The following PLK5 variants were observed in gnomAD, a reference collection of about 807,000 sequenced individuals.
PLK5 encodes the protein inactive serine/threonine-protein kinase PLK5.
PLK5 carries 28 observed loss-of-function variants against 33.7 expected under a neutral mutation model. The ratio of observed to expected loss-of-function variants is 0.83; its 90% CI spans 0.62 to 1.14. The LOEUF (loss-of-function observed/expected upper bound fraction) is 1.14, where lower values mean the gene tolerates loss of function less well. Ranked by LOEUF, PLK5 falls within the 50% of genes most tolerant of loss-of-function variation. The pLI is 0.00. For synonymous variants in PLK5, 225 were observed against 202.2 expected, an observed-to-expected ratio of 1.11 and a Z score of -0.96; for missense variants, 492 against 461.5, an observed-to-expected ratio of 1.07 and a Z score of -0.61.
At chr19:1,534,579 G>A (rs542045353) in intron 13 of PLK5, among the ~76,000 whole-genome samples, 43 of 150,414 alleles carry the variant, frequency 2.9e-4, no homozygotes, top group Middle Eastern at 3.4e-3. Context: ...GCCGAGGTGG[G>A]CAGATCACGA....
intron 13 of PLK5, among the ~76,000 whole-genome samples, chr19:1,534,708 T>G (rs1212743297): frequency 1.3e-5 from 2 of 148,560 alleles, no homozygotes; most frequent in Non-Finnish European, 3.0e-5. Flanking sequence ...TCCCAGCTAC[T>G]GGGGAGGCTG....
intron 12 of PLK5, among the ~76,000 whole-genome samples, chr19:1,533,383 G>T (rs900508601): frequency 2.6e-5 from 4 of 152,282 alleles, no homozygotes; most frequent in African/African-American, 9.6e-5. Flanking sequence ...GAGCCACCGC[G>T]CCCGGCCTTA....
At position 1,526,929 on chromosome 19, in the gene PLK5, T is replaced by G. The variant is rs1356926486; in HGVS notation, c.-68T>G. On this transcript the variant is annotated 5_prime_UTR_variant, in exon 6 of 14. Coordinates refer to ENST00000454744, the MANE Select transcript of PLK5 (RefSeq NM_001243079.2). Reference sequence around the variant, plus strand: ...GTACTCTGTGGGACCCCTAACTTCCTGGACCCTGAGGTTGTCTCCAGAAAC... The same window carrying G: ...GTACTCTGTGGGACCCCTAACTTCCGGGACCCTGAGGTTGTCTCCAGAAAC... The G allele has an allele frequency of 6.6e-7, 1 of 1,525,272 alleles. No individual in the cohort carries two copies. Among genetic ancestry groups the G allele is most frequent in the African/African-American group, 1.4e-5 (1 of 72,736 alleles). 94.5% of individuals were successfully genotyped at this position (1,525,272 alleles called of 1,614,324 possible).
chr19:1,530,602 G>A (rs868085945), intron 11 of PLK5, among the ~76,000 whole-genome samples: 3 of 132,926 alleles, frequency 2.3e-5, no homozygotes, highest in Non-Finnish European at 4.8e-5. Context: ...ACGCCTGGGC[G>A]CATTTTTTTT....
At chr19:1,534,649 CAAA>C (rs531471498) in intron 13 of PLK5, among the ~76,000 whole-genome samples, 48,618 of 137,810 alleles carry the variant, frequency 0.35, 8,638 homozygotes, top group Middle Eastern at 0.48. Flanking sequence ...ACTAAAAATA[CAAA>C]AAAAAAAAAA....
At chr19:1,529,031 T>C (rs1291182896) in intron 9 of PLK5, 57 bp downstream of exon 9, 1 of 1,389,824 alleles carries the variant, frequency 7.2e-7, no homozygotes, top group Non-Finnish European at 9.5e-7. Flanking sequence ...TGCTGGCCCC[T>C]GCTAAAACCC....
At chr19:1,533,155 T>C (rs1913982842) in intron 12 of PLK5, among the ~76,000 whole-genome samples, 1 of 152,078 alleles carries the variant, frequency 6.6e-6, no homozygotes, top group African/African-American at 2.4e-5. Flanking sequence ...GACGGAGTTG[T>C]GCTCTTGTTG....
intron 12 of PLK5, among the ~76,000 whole-genome samples, chr19:1,533,387 G>C (rs891988079): frequency 6.6e-6 from 1 of 152,154 alleles, no homozygotes; most frequent in African/African-American, 2.4e-5. Flanking sequence ...CACCGCGCCC[G>C]GCCTTAACAC....
rs1372811773 is a variant in PLK5 at position 1,529,844 on chromosome 19, C to T, written c.568+20C>T. The T allele has an allele frequency of 6.5e-7, 1 of 1,533,388 alleles. No individual in the cohort carries two copies. Among genetic ancestry groups the T allele is most frequent in the Non-Finnish European group, 8.7e-7 (1 of 1,145,700 alleles). 95.0% of individuals were successfully genotyped at this position (1,533,388 alleles called of 1,614,324 possible). A position where few individuals can be genotyped will look rare whatever the true frequency, so the allele number is the denominator to read the frequency against. On this transcript the variant is annotated intron_variant, in intron 11 of 13. Transcript: ENST00000454744. ...CCCCGGGTAGGAGCCGGCCCAGCCC[C>T]CAGGATCACCTTTACTCTTACTAGC...
intron 12 of PLK5, 83 bp downstream of exon 12, chr19:1,531,966 CCTA>C: frequency 4.3e-6 from 6 of 1,385,262 alleles, no homozygotes; most frequent in Non-Finnish European, 5.6e-6. Context: ...TTATTAAGCA[CCTA>C]CTGTGCACAC....
intron 3 of PLK5, among the ~76,000 whole-genome samples, chr19:1,525,947 C>T (rs1239674504): frequency 3.3e-5 from 5 of 151,894 alleles, no homozygotes; most frequent in African/African-American, 9.7e-5. Flanking sequence ...TCATCAGGCC[C>T]GTCTCAGACT....
chr19:1,534,879 TCA>T (rs1416583221), intron 13 of PLK5, among the ~76,000 whole-genome samples, 184 bp from the exon 14 acceptor site: 1 of 151,364 alleles, frequency 6.6e-6, no homozygotes, highest in Non-Finnish European at 1.5e-5. Context: ...CATCTGAGCC[TCA>T]GTTTCCCCAG....
In PLK5 at chr19:1,526,508, C is replaced by T. The variant is rs61744584; in HGVS notation, c.-290C>T. 5,232 of 273,494 alleles carry T rather than the reference C, an allele frequency of 0.019. 258 individuals carry two copies. The highest frequency in any genetic ancestry group is 0.11 in the African/African-American group (4,928 of 42,958). 16.9% of individuals were successfully genotyped at this position (273,494 alleles called of 1,614,324 possible). On this transcript the variant is annotated 5_prime_UTR_variant, in exon 4 of 14. Coordinates refer to ENST00000454744, the MANE Select transcript of PLK5 (RefSeq NM_001243079.2). ...CAGTCTTTGGCCCACGTGCTGAGGG[C>T]GCGGCAGATCCTGACGGAGCCAGAA... is the stretch of plus-strand genomic sequence containing the variant.
Position 1,533,988 on chromosome 19 carries a change from T to C in PLK5, c.772T>C (p.Phe258Leu). 1 of 1,535,422 alleles carries C rather than the reference T, an allele frequency of 6.5e-7. No individual in the cohort carries two copies. Among genetic ancestry groups the C allele is most frequent in the Non-Finnish European group, 8.7e-7 (1 of 1,146,776 alleles). Residue 258 changes from phenylalanine (F) to leucine (L), a missense_variant, in exon 13 of 14, where the codon TTC becomes CTC. Phe to Leu is a conservative substitution (Grantham distance 22). Coordinates refer to ENST00000454744, the MANE Select transcript of PLK5 (RefSeq NM_001243079.2). The stretch of plus-strand genomic sequence containing the variant: ...TGGACCCGGCCTCTGCCTCCTGCGC[T>C]TCCTGGCCTCTGAGCACGCCCTGCT... ...PAGPGLCLLR[F>L]LASEHALLLL...
rs1913843953 is a variant in PLK5, at chr19:1,528,988, G to A, written c.405+14G>A. 3 of 1,495,238 alleles carry A rather than the reference G, an allele frequency of 2.0e-6. No individual in the cohort carries two copies. In the Admixed American group the frequency reaches 6.9e-5, roughly 34 times the overall value. 92.6% of individuals were successfully genotyped at this position (1,495,238 alleles called of 1,614,324 possible). On this transcript the variant is annotated intron_variant, in intron 9 of 13. Coordinates refer to ENST00000454744, the MANE Select transcript of PLK5 (RefSeq NM_001243079.2). ...TGGGACGGCGAGGTGAGACATCGGG[G>A]TGGGGGACACGGGGAGACACAGGTG...
At position 1,535,492 on chromosome 19, in the gene PLK5, T is replaced by C. The variant is rs1278729531; in HGVS notation, c.*242T>C. The C allele has an allele frequency of 5.9e-6, 3 of 512,194 alleles. No homozygotes were observed. Among genetic ancestry groups the C allele is most frequent in the Non-Finnish European group, 6.7e-6 (2 of 297,322 alleles). The allele number at this position is 512,194 out of a possible 1,614,324, so 31.7% of individuals were successfully genotyped here. ...CTGCCTCTCTTTGGGGGAAAGCGTTTGAGGAGCTTTGGCAAAGAAACGTTG... is the reference window on the plus strand; with the variant it reads ...CTGCCTCTCTTTGGGGGAAAGCGTTCGAGGAGCTTTGGCAAAGAAACGTTG... On this transcript the variant is annotated 3_prime_UTR_variant, in exon 14 of 14. Coordinates refer to ENST00000454744, the MANE Select transcript of PLK5 (RefSeq NM_001243079.2).
chr19:1,526,844 C>A, intron 5 of PLK5, 53 bp downstream of exon 5: 3 of 962,470 alleles, frequency 3.1e-6, no homozygotes, highest in Non-Finnish European at 3.2e-6. Context: ...GCACGGCTGG[C>A]CCTGAAGTCT....
chr19:1,533,521 T>C (rs11666500), intron 12 of PLK5, among the ~76,000 whole-genome samples: 44,496 of 151,678 alleles, frequency 0.29, 6,987 homozygotes, highest in East Asian at 0.62. Flanking sequence ...GCAGTGTGGA[T>C]AGAGTTGGAA....
chr19:1,530,538 A>G (rs1568253870), intron 11 of PLK5, among the ~76,000 whole-genome samples: 1 of 142,136 alleles, frequency 7.0e-6, no homozygotes. Context: ...ACCTCCGGTG[A>G]TCTGGCCGCC....
Sources: allele counts gnomAD v4.1 joint callset (sites outside exome capture counted in the v4.1 genomes callset), GRCh38; gene constraint gnomAD v4.1.1; transcripts MANE v1.5; gene names NCBI Gene and HGNC (gene_info 2026-07-23, HGNC 2026-07-21).